Variants in ADGRE3 observed in about 807,000 individuals in gnomAD.
ADGRE3 encodes the protein EGF-like module receptor 3.
In ADGRE3, 88 loss-of-function variants were observed where a neutral mutation model predicts 80.1. The ratio of observed to expected loss-of-function variants is 1.10; its 90% CI spans 0.93 to 1.31. The LOEUF is 1.31. ADGRE3 is among the 40% of genes most tolerant of loss of function. ADGRE3 has a pLI of 0.00. For missense variants in ADGRE3, 715 were observed against 776.5 expected (o/e 0.92, Z 0.94); for synonymous variants, 281 against 294.8 (o/e 0.95, Z 0.48).
rs1970718488 is a variant in ADGRE3 at position 14,625,616 on chromosome 19, A to C, written c.1813-17T>G. 3.2e-6 allele frequency: 5 copies of C among 1,540,252 alleles called. No homozygotes were observed. Among genetic ancestry groups the C allele is most frequent in the Non-Finnish European group, 4.5e-6 (5 of 1,113,372 alleles). On this transcript the variant is annotated splice_polypyrimidine_tract_variant and intron_variant, in intron 14 of 15. Transcript: ENST00000253673. Reference sequence around the variant, plus strand: ...TTTCTGGACCTGGAACATCAAAGGAAATACCTGGATGGGTTTTGCTAACAT... The same window carrying C: ...TTTCTGGACCTGGAACATCAAAGGACATACCTGGATGGGTTTTGCTAACAT...
intron 11 of ADGRE3, among the ~76,000 whole-genome samples, chr19:14,636,008 T>A (rs140765990): frequency 2.6e-5 from 2 of 76,074 alleles, no homozygotes; most frequent in African/African-American, 1.1e-4. Context: ...TCTTTCTCTT[T>A]CTTTCTTCCT....
At position 14,636,141 on chromosome 19, in the gene ADGRE3, T is replaced by TTCCTTCCTTC. The variant is rs1555755833; in HGVS notation, c.1484+1963_1484+1964insGAAGGAAGGA. Among the ~76,000 whole-genome samples, 101 of 15,532 alleles carry TTCCTTCCTTC rather than the reference T, an allele frequency of 6.5e-3. 11 individuals carry two copies. Among genetic ancestry groups the TTCCTTCCTTC allele is most frequent in the South Asian group, 0.033 (9 of 270 alleles). The allele number at this position is 15,532 out of a possible 152,430, so 10.2% of individuals were successfully genotyped here. A position where few individuals can be genotyped will look rare whatever the true frequency, so the allele number is the denominator to read the frequency against. On this transcript the variant is annotated intron_variant, in intron 11 of 15. Transcript: ENST00000253673. The stretch of plus-strand genomic sequence containing the variant: ...TTCTTTCTTTCTTTCTTTCTTTCTT[T>TTCCTTCCTTC]CTTTCTTTCTTCCTTTCCTCCTTTC...
At chr19:14,628,423 A>T (rs1970789927) in intron 14 of ADGRE3, among the ~76,000 whole-genome samples, 2 of 152,050 alleles carry the variant, frequency 1.3e-5, no homozygotes, top group Non-Finnish European at 2.9e-5. Context: ...TGGGTGACAG[A>T]GCAAGAATCT....
chr19:14,651,853 C>T (rs113531228), intron 6 of ADGRE3, among the ~76,000 whole-genome samples: 1 of 152,016 alleles, frequency 6.6e-6, no homozygotes, highest in Non-Finnish European at 1.5e-5. Context: ...ACCAGCCTGG[C>T]CAACATGGTG....
intron 8 of ADGRE3, among the ~76,000 whole-genome samples, chr19:14,645,312 A>T (rs536535562): frequency 8.5e-5 from 13 of 152,348 alleles, no homozygotes; most frequent in African/African-American, 3.1e-4. Flanking sequence ...ATAATTGCTT[A>T]TGCAATGAGA....
intron 7 of ADGRE3, among the ~76,000 whole-genome samples, chr19:14,648,006 CAA>C (rs1356065991): frequency 6.9e-6 from 1 of 143,910 alleles, no homozygotes; most frequent in African/African-American, 2.6e-5. Context: ...CGCTTGAACC[CAA>C]GAGGCGGAGG....
chr19:14,620,548 T>TTATATATA (rs1555753132), intron 15 of ADGRE3, among the ~76,000 whole-genome samples: 8 of 24,976 alleles, frequency 3.2e-4, no homozygotes, highest in East Asian at 1.5e-3. Context: ...TATATATATA[T>TTATATATA]TATATATATA....
chr19:14,660,053 C>A (rs963741987), intron 4 of ADGRE3, among the ~76,000 whole-genome samples: 2 of 151,774 alleles, frequency 1.3e-5, no homozygotes, highest in Admixed American at 1.3e-4. Context: ...TATAGGAAAC[C>A]GTATTTATTG....
Position 14,674,742 on chromosome 19 carries a change from A to T in ADGRE3, c.25+4T>A. 1.2e-6 allele frequency: 2 copies of T among 1,613,730 alleles called. No individual in the cohort carries two copies. The highest frequency in any genetic ancestry group is 2.2e-5 in the South Asian group (2 of 91,032). On this transcript the variant is annotated splice_donor_region_variant and intron_variant, in intron 1 of 15. Transcript: ENST00000253673. Reference sequence around the variant, plus strand: ...GCCTCAGTCATTGTTACAGTCACACATACCTGGAAGAAGCAATGGTCCCTG... The same window carrying T: ...GCCTCAGTCATTGTTACAGTCACACTTACCTGGAAGAAGCAATGGTCCCTG...
At chr19:14,625,713 A>T in intron 14 of ADGRE3, 114 bp from the exon 15 acceptor site, 3 of 674,244 alleles carry the variant, frequency 4.4e-6, no homozygotes, top group Non-Finnish European at 8.0e-6. Flanking sequence ...ATTTTCACAA[A>T]ACATGGTCTA....
chr19:14,661,828 A>T, intron 4 of ADGRE3, 135 bp downstream of exon 4: 1 of 818,980 alleles, frequency 1.2e-6, no homozygotes, highest in Non-Finnish European at 2.0e-6. Flanking sequence ...TGAGCCCGGG[A>T]GGCGGAGGTT....
chr19:14,670,134 C>A (rs1388928898), intron 1 of ADGRE3, among the ~76,000 whole-genome samples: 2 of 152,134 alleles, frequency 1.3e-5, no homozygotes. Flanking sequence ...AAGGGCTCAG[C>A]TGGGCGGTTC....
At chr19:14,609,837 C>CCAAAA in the ADGRE3 span, among the ~76,000 whole-genome samples, 71 of 140,634 alleles carry the variant, frequency 5.0e-4, 1 homozygote, top group Middle Eastern at 5.4e-3. Flanking sequence ...GACTCTGTCT[C>CCAAAA]CAAAACAAAA....
chr19:14,607,858 G>A, the ADGRE3 span, among the ~76,000 whole-genome samples: 2 of 151,770 alleles, frequency 1.3e-5, no homozygotes, highest in Admixed American at 6.6e-5. Context: ...TTACAGGGGT[G>A]AGCCACTGCG....
At chr19:14,649,041 TATCTCTCCCC>T (rs1196106156) in intron 7 of ADGRE3, among the ~76,000 whole-genome samples, 1 of 148,716 alleles carries the variant, frequency 6.7e-6, no homozygotes, top group African/African-American at 2.5e-5. Flanking sequence ...TCTTTCCATA[TATCTCTCCCC>T]ATCTCTCTAA....
chr19:14,606,723 G>GGTA, the ADGRE3 span, among the ~76,000 whole-genome samples: 1 of 151,774 alleles, frequency 6.6e-6, no homozygotes, highest in Non-Finnish European at 1.5e-5. Context: ...ACTACCAGGA[G>GGTA]GTAGCTACTG....
chr19:14,636,859 C>T (rs139101588), intron 11 of ADGRE3, among the ~76,000 whole-genome samples: 82 of 152,122 alleles, frequency 5.4e-4, no homozygotes, highest in African/African-American at 1.8e-3. Context: ...TTTGGGAGGC[C>T]GAGGTGCATG....
At chr19:14,604,894 A>C in the ADGRE3 span, among the ~76,000 whole-genome samples, 8 of 152,194 alleles carry the variant, frequency 5.3e-5, no homozygotes, top group African/African-American at 1.9e-4. Flanking sequence ...TTATAGTAAA[A>C]AATTCTTAAA....
chr19:14,624,880 A>G (rs561984906), intron 15 of ADGRE3, among the ~76,000 whole-genome samples: 4 of 152,154 alleles, frequency 2.6e-5, no homozygotes, highest in African/African-American at 9.6e-5. Flanking sequence ...ATGAGAGCTC[A>G]TGGACACAGG....
Sources: allele counts gnomAD v4.1 joint callset (sites outside exome capture counted in the v4.1 genomes callset), GRCh38; gene constraint gnomAD v4.1.1; transcripts MANE v1.5; gene names NCBI Gene and HGNC (gene_info 2026-07-23, HGNC 2026-07-21).